The following JAM3 variants were observed in gnomAD, a reference collection of about 807,000 sequenced individuals.
The protein encoded by JAM3 is junctional adhesion molecule C.
Under a neutral mutation model 39.4 loss-of-function variants are expected in JAM3, and 31 were observed. The observed-to-expected ratio is 0.79, with a 90% CI of 0.59 to 1.06. The LOEUF is 1.06. JAM3 is among the 50% of genes least tolerant of loss of function. JAM3 has a pLI of 0.00. For missense variants in JAM3, 455 were observed against 391.4 expected, an observed-to-expected ratio of 1.16 and a Z score of -1.37; for synonymous variants, 182 against 148.7, an observed-to-expected ratio of 1.22 and a Z score of -1.63.
At chr11:134,090,902 G>C (rs1591775149) in intron 1 of JAM3, among the ~76,000 whole-genome samples, 1 of 152,202 alleles carries the variant, frequency 6.6e-6, no homozygotes, top group East Asian at 1.9e-4. Context: ...TCCCAAACTT[G>C]AGTTTGCAAA....
At chr11:134,137,247 C>A (rs1942883696) in intron 1 of JAM3, among the ~76,000 whole-genome samples, 1 of 152,120 alleles carries the variant, frequency 6.6e-6, no homozygotes, top group East Asian at 1.9e-4. Flanking sequence ...GTTTACCTTC[C>A]AAGTTTATTA....
chr11:134,100,926 A>G (rs1295898809), intron 1 of JAM3, among the ~76,000 whole-genome samples: 1 of 152,216 alleles, frequency 6.6e-6, no homozygotes, highest in East Asian at 1.9e-4. Context: ...TAAAAAAGTG[A>G]ATGAAGTAAA....
intron 1 of JAM3, among the ~76,000 whole-genome samples, chr11:134,137,307 C>A (rs972227157): frequency 6.6e-6 from 1 of 152,158 alleles, no homozygotes; most frequent in Non-Finnish European, 1.5e-5. Context: ...CACCATTTAC[C>A]TTTTATGTCC....
intron 1 of JAM3, among the ~76,000 whole-genome samples, chr11:134,094,106 A>G (rs1941928865): frequency 7.1e-6 from 1 of 139,982 alleles, no homozygotes; most frequent in Admixed American, 7.1e-5. Flanking sequence ...TCCTGAGGGA[A>G]GCTTCTCCTG....
chr11:134,105,852 CACAA>C (rs1462020141), intron 1 of JAM3, among the ~76,000 whole-genome samples: 4 of 152,104 alleles, frequency 2.6e-5, no homozygotes, highest in Admixed American at 6.6e-5. Flanking sequence ...TAAAAGAGGA[CACAA>C]ACAAATGGAA....
chr11:134,147,054 C>T (rs970349657), intron 6 of JAM3, among the ~76,000 whole-genome samples: 1 of 152,190 alleles, frequency 6.6e-6, no homozygotes, highest in Non-Finnish European at 1.5e-5. Flanking sequence ...TCATGTGTCA[C>T]GTTTGAGAAA....
At chr11:134,069,451 A>T (rs1278883947) in intron 1 of JAM3, among the ~76,000 whole-genome samples, 4 of 151,318 alleles carry the variant, frequency 2.6e-5, no homozygotes, top group Admixed American at 2.6e-4. Flanking sequence ...CAGCCGTCGG[A>T]CCCCGGGGGC....
At chr11:134,108,470 C>G (rs549609862) in intron 1 of JAM3, among the ~76,000 whole-genome samples, 38 of 152,154 alleles carry the variant, frequency 2.5e-4, no homozygotes, top group Non-Finnish European at 5.1e-4. Flanking sequence ...AAACCAGAGG[C>G]ATTACAAGAA....
At chr11:134,069,203 G>A (rs1446771609) in intron 1 of JAM3, 44 bp downstream of exon 1, 2 of 1,600,284 alleles carry the variant, frequency 1.2e-6, no homozygotes, top group South Asian at 1.1e-5. Flanking sequence ...GGGTCTGGGG[G>A]CGACGGAAGC....
rs1591788870 is a variant in JAM3 at position 134,111,313 on chromosome 11, TTTTG to T, written c.77-28534_77-28531del. 4.6e-5 allele frequency among the ~76,000 whole-genome samples: 7 copies of T among 152,014 alleles called. No homozygotes were observed. In the East Asian group the frequency reaches 1.2e-3, roughly 25 times the overall value. ...CCCGCCACCACGCCCTGCTAATTTT[TTTTG>T]TTTTTTAGTAGAGACAGGGTTTCAC... On this transcript the variant is annotated intron_variant, in intron 1 of 8. Transcript: ENST00000299106.
chr11:134,070,115 A>T (rs188737317), intron 1 of JAM3: 2 of 455,992 alleles, frequency 4.4e-6, no homozygotes, highest in South Asian at 3.1e-5. Context: ...TGGAGCCATT[A>T]TCTCGTTTAC....
At chr11:134,111,325 G>A (rs1591788882) in intron 1 of JAM3, among the ~76,000 whole-genome samples, 1 of 151,470 alleles carries the variant, frequency 6.6e-6, no homozygotes, top group East Asian at 1.9e-4. Flanking sequence ...TTGTTTTTTA[G>A]TAGAGACAGG....
intron 1 of JAM3, among the ~76,000 whole-genome samples, chr11:134,128,125 C>T (rs1942688641): frequency 6.6e-6 from 1 of 152,002 alleles, no homozygotes; most frequent in Non-Finnish European, 1.5e-5. Context: ...GCTTTTTAGC[C>T]TTGGCCTGAA....
intron 2 of JAM3, 98 bp from the exon 3 acceptor site, chr11:134,140,559 G>T (rs1324945452): frequency 3.1e-6 from 3 of 964,252 alleles, no homozygotes; most frequent in Non-Finnish European, 3.4e-6. Flanking sequence ...TAATCTGCAT[G>T]AAAGGCCTCT....
chr11:134,109,811 CATAAG>C (rs1377329905), intron 1 of JAM3, among the ~76,000 whole-genome samples: 1 of 152,188 alleles, frequency 6.6e-6, no homozygotes, highest in African/African-American at 2.4e-5. Context: ...AAATACTTTA[CATAAG>C]ATAAGGTGAA....
chr11:134,091,320 C>G (rs185358312), intron 1 of JAM3, among the ~76,000 whole-genome samples: 6 of 152,026 alleles, frequency 3.9e-5, no homozygotes, highest in African/African-American at 1.4e-4. Flanking sequence ...ACTGTGAAAC[C>G]CTGTCTCTAC....
chr11:134,104,138 CAG>C (rs1159126595), intron 1 of JAM3, among the ~76,000 whole-genome samples: 2 of 152,284 alleles, frequency 1.3e-5, no homozygotes, highest in East Asian at 3.9e-4. Flanking sequence ...TGTAAAATAA[CAG>C]AAATTATAAC....
intron 1 of JAM3, among the ~76,000 whole-genome samples, chr11:134,093,315 G>A (rs1941909603): frequency 7.7e-6 from 1 of 130,440 alleles, no homozygotes; most frequent in Non-Finnish European, 1.6e-5. Flanking sequence ...TATTCATCTT[G>A]TTCCATCTTA....
At chr11:134,117,699 G>A (rs623823) in intron 1 of JAM3, among the ~76,000 whole-genome samples, 60,094 of 152,018 alleles carry the variant, frequency 0.4, 12,928 homozygotes, top group African/African-American at 0.58. Flanking sequence ...ACAGTGGAGT[G>A]AAACAAAGCA....
Sources: allele counts gnomAD v4.1 joint callset (sites outside exome capture counted in the v4.1 genomes callset), GRCh38; gene constraint gnomAD v4.1.1; transcripts MANE v1.5; gene names NCBI Gene and HGNC (gene_info 2026-07-23, HGNC 2026-07-21).